Variants in KIF26B observed in about 807,000 individuals in gnomAD.
KIF26B encodes the protein kinesin family member 26B.
In KIF26B, 63 loss-of-function variants were observed where a neutral mutation model predicts 151.2. The observed-to-expected ratio is 0.42, with a 90% confidence interval of 0.34 to 0.51. The LOEUF is 0.51. KIF26B is among the 20% of genes least tolerant of loss of function. The pLI, the probability that KIF26B is intolerant of heterozygous loss-of-function variation, is 0.07. For missense variants in KIF26B, 2,813 were observed against 2,913.6 expected, an observed-to-expected ratio of 0.97 and a Z score of 0.79; for synonymous variants, 1,357 against 1,262.1, an observed-to-expected ratio of 1.08 and a Z score of -1.59.
intron 2 of KIF26B, among the ~76,000 whole-genome samples, chr1:245,203,569 C>T (rs556957746): frequency 6.6e-5 from 10 of 152,172 alleles, no homozygotes; most frequent in African/African-American, 1.9e-4. Flanking sequence ...GTGTGGGTTG[C>T]GTTACTGGGA....
intron 4 of KIF26B, among the ~76,000 whole-genome samples, chr1:245,522,136 T>A (rs964152534): frequency 7.9e-5 from 12 of 152,192 alleles, no homozygotes; most frequent in Admixed American, 7.2e-4. Flanking sequence ...CCCAAAGTGC[T>A]GGGATTACAG....
intron 2 of KIF26B, among the ~76,000 whole-genome samples, chr1:245,310,600 G>T (rs1026030781): frequency 6.6e-6 from 1 of 152,202 alleles, no homozygotes; most frequent in African/African-American, 2.4e-5. Flanking sequence ...CGGTGAAAAT[G>T]GGGGAGAGAT....
Position 245,704,403 on chromosome 1 carries a change from C to T in KIF26B, c.*1797C>T, listed in dbSNP as rs763621768. ...GGGAACCGAAGTCTTGTGAGCTTCA[C>T]ATGACCTGATCCTTTGTTATCAGAA... On this transcript the variant is annotated 3_prime_UTR_variant, in exon 15 of 15. Transcript: ENST00000407071. 7.2e-5 allele frequency: 11 copies of T among 152,286 alleles called. No individual in the cohort carries two copies. The highest frequency in any genetic ancestry group is 1.3e-4 in the Non-Finnish European group (9 of 68,066). 9.4% of individuals were successfully genotyped at this position (152,286 alleles called of 1,614,324 possible).
intron 2 of KIF26B, among the ~76,000 whole-genome samples, chr1:245,332,820 C>T (rs1183782981): frequency 6.6e-6 from 1 of 152,202 alleles, no homozygotes; most frequent in Non-Finnish European, 1.5e-5. Context: ...ATCTCACTGC[C>T]TCTCCTCGGC....
chr1:245,587,948 C>T (rs1017268811), intron 5 of KIF26B, among the ~76,000 whole-genome samples: 5 of 152,326 alleles, frequency 3.3e-5, no homozygotes, highest in Admixed American at 3.3e-4. Context: ...ATGCTTCTGA[C>T]GTTTCCTTCA....
Position 245,601,348 on chromosome 1 carries a change from C to T in KIF26B, c.1351-1229C>T, listed in dbSNP as rs1046321251. Among the ~76,000 whole-genome samples the T allele has an allele frequency of 3.9e-5, 6 of 152,170 alleles. No homozygotes were observed. Among genetic ancestry groups the T allele is most frequent in the South Asian group, 2.1e-4 (1 of 4,832 alleles). On this transcript the variant is annotated intron_variant, in intron 5 of 14. Coordinates refer to ENST00000407071, the MANE Select transcript of KIF26B (RefSeq NM_018012.4). The surrounding 1 kb of genome is among the most constrained non-coding windows in gnomAD (Gnocchi z 4.4). The stretch of plus-strand genomic sequence containing the variant: ...GTCCTCATCGCTCAGCAGAGAGAGT[C>T]GAGATTGGCAGGAGGATCTCCGTCT...
intron 2 of KIF26B, among the ~76,000 whole-genome samples, chr1:245,180,401 C>G (rs1340740254): frequency 6.6e-6 from 1 of 152,100 alleles, no homozygotes; most frequent in Non-Finnish European, 1.5e-5. Flanking sequence ...GCAGCTTGGG[C>G]AACTTACTCA....
At chr1:245,326,730 C>T (rs561738745) in intron 2 of KIF26B, among the ~76,000 whole-genome samples, 27 of 152,304 alleles carry the variant, frequency 1.8e-4, no homozygotes, top group Admixed American at 1.4e-3. Flanking sequence ...TTTTGGTTTC[C>T]GCAGACTTAG....
At chr1:245,176,187 C>CG (rs1348290531) in intron 2 of KIF26B, among the ~76,000 whole-genome samples, 2 of 151,868 alleles carry the variant, frequency 1.3e-5, no homozygotes, top group Non-Finnish European at 2.9e-5. Context: ...TTAGTAGAGA[C>CG]GGGGTTTCTC....
rs1011026886 is a variant in KIF26B, at chr1:245,687,591, C to T, written c.4608C>T (p.Ser1536=). ...VHPNKSVKSS[S]LPRAFQKASR... ...CCAACAAAAGCGTCAAGTCCAGCAG[C>T]CTTCCCAGGGCCTTTCAGAAGGCCA... The change falls in exon 12 of 15, where the codon AGC becomes AGT. Residue 1536 remains serine, a synonymous_variant. Transcript: ENST00000407071. This position sits in a 1 kb window ranked among gnomAD's most constrained non-coding sequence, Gnocchi z 4.9. 11 of 1,564,208 alleles carry T rather than the reference C, an allele frequency of 7.0e-6. No homozygotes were observed. In the Admixed American group the frequency reaches 1.7e-4, roughly 24 times the overall value.
At chr1:245,302,766 G>A (rs560389570) in intron 2 of KIF26B, among the ~76,000 whole-genome samples, 45 of 152,148 alleles carry the variant, frequency 3.0e-4, no homozygotes, top group Admixed American at 1.0e-3. Context: ...CAAGGTGGGC[G>A]GACCAAGAGG....
In KIF26B at chr1:245,345,891, T is replaced by A. The variant is rs115635812; in HGVS notation, c.466-20943T>A. ...CGTGCGCCAGTGAAACCTCTCTTCT[T>A]GTAAATTCCCCAGTCTCAGGTATTT... On this transcript the variant is annotated intron_variant, in intron 2 of 14. Coordinates refer to ENST00000407071, the MANE Select transcript of KIF26B (RefSeq NM_018012.4). Among the ~76,000 whole-genome samples, 423 of 152,000 alleles carry A rather than the reference T, an allele frequency of 2.8e-3. 3 individuals carry two copies. Among genetic ancestry groups the A allele is most frequent in the Non-Finnish European group, 4.7e-3 (320 of 67,972 alleles).
At chr1:245,334,165 TTTTA>T (rs1471282575) in intron 2 of KIF26B, among the ~76,000 whole-genome samples, 2 of 152,156 alleles carry the variant, frequency 1.3e-5, no homozygotes, top group African/African-American at 4.8e-5. Flanking sequence ...CTCTCTCTCT[TTTTA>T]TTTTTCAGAG....
chr1:245,633,618 G>A (rs906716815), intron 9 of KIF26B, among the ~76,000 whole-genome samples: 3 of 151,856 alleles, frequency 2.0e-5, no homozygotes, highest in Admixed American at 6.6e-5. Context: ...ATTTCTCACA[G>A]GGCCTGTCTA....
intron 9 of KIF26B, among the ~76,000 whole-genome samples, chr1:245,620,771 CT>C (rs1251049950): frequency 6.6e-6 from 1 of 152,074 alleles, no homozygotes; most frequent in Non-Finnish European, 1.5e-5. Context: ...CATTAACTCT[CT>C]TTACAAAATC....
intron 4 of KIF26B, among the ~76,000 whole-genome samples, chr1:245,471,641 C>G (rs1000516107): frequency 2.6e-5 from 4 of 152,120 alleles, no homozygotes; most frequent in African/African-American, 4.8e-5. Flanking sequence ...ATACAGATCT[C>G]TATATCTCTT....
At chr1:245,575,275 G>A (rs932358824) in intron 5 of KIF26B, among the ~76,000 whole-genome samples, 1 of 151,894 alleles carries the variant, frequency 6.6e-6, no homozygotes, top group Non-Finnish European at 1.5e-5. Context: ...AGGAGTTCGA[G>A]ACCAGCCTGG....
intron 5 of KIF26B, among the ~76,000 whole-genome samples, chr1:245,573,562 T>C (rs766674033): frequency 1.1e-4 from 16 of 151,950 alleles, no homozygotes; most frequent in Admixed American, 6.6e-5. Context: ...TGAGTGAAGA[T>C]TAGCTTCCTC....
chr1:245,525,639 C>T (rs1312092854), intron 4 of KIF26B, among the ~76,000 whole-genome samples: 1 of 152,216 alleles, frequency 6.6e-6, no homozygotes. Flanking sequence ...GATTATATAA[C>T]ATGAGTTACA....
Sources: gnomAD v4.1 joint callset for allele counts (sites outside exome capture counted in the v4.1 genomes callset) on GRCh38, gnomAD v4.1.1 for gene constraint, Gnocchi (gnomAD v3.1) non-coding constraint, MANE v1.5 for transcripts, NCBI Gene and HGNC (gene_info 2026-07-23, HGNC 2026-07-21) for gene names.